LYPD6B: variants seen among roughly 807,000 people sequenced by gnomAD.
LYPD6B encodes LY6/PLAUR domain containing 6B.
In LYPD6B, 17 loss-of-function variants were observed where a neutral mutation model predicts 22.8. The ratio of observed to expected loss-of-function variants is 0.75; its 90% CI spans 0.51 to 1.12. The LOEUF (loss-of-function observed/expected upper bound fraction) is 1.12, where lower values mean the gene tolerates loss of function less well. LYPD6B is among the 50% of genes most tolerant of loss of function. The probability of loss-of-function intolerance (pLI) is 0.00; values close to 1 mark genes in which losing one functional copy is unlikely to be tolerated. For synonymous variants in LYPD6B, 106 were observed against 91.6 expected, an observed-to-expected ratio of 1.16 and a Z score of -0.90; for missense variants, 221 against 258.3, an observed-to-expected ratio of 0.86 and a Z score of 0.99.
chr2:149,144,950 A>G (rs1197547497), intron 2 of LYPD6B, among the ~76,000 whole-genome samples: 2 of 152,044 alleles, frequency 1.3e-5, no homozygotes, highest in Non-Finnish European at 2.9e-5. Flanking sequence ...CTGCCCATTG[A>G]TTGTGTTCCT....
intron 3 of LYPD6B, among the ~76,000 whole-genome samples, chr2:149,202,317 G>A (rs114959716): frequency 0.015 from 2,341 of 152,106 alleles, 71 homozygotes; most frequent in African/African-American, 0.054. Context: ...TGGTCCCACC[G>A]ACTCCCTGAC....
chr2:149,064,833 A>C (rs1023582637), intron 1 of LYPD6B, among the ~76,000 whole-genome samples: 2 of 152,186 alleles, frequency 1.3e-5, no homozygotes, highest in Admixed American at 6.5e-5. Flanking sequence ...CACTGCCTGG[A>C]ACGTGGAGGC....
chr2:149,187,842 C>T (rs1012499352), intron 3 of LYPD6B, among the ~76,000 whole-genome samples: 1 of 152,304 alleles, frequency 6.6e-6, no homozygotes, highest in Admixed American at 6.5e-5. Flanking sequence ...AGCCTGTGGG[C>T]CATGGGTTGG....
intron 3 of LYPD6B, among the ~76,000 whole-genome samples, chr2:149,182,274 A>C (rs1244623348): frequency 1.3e-5 from 2 of 152,158 alleles, no homozygotes; most frequent in African/African-American, 2.4e-5. Context: ...CCAGTTATTT[A>C]ATGCATCATC....
intron 1 of LYPD6B, among the ~76,000 whole-genome samples, chr2:149,050,183 T>C (rs1343335076): frequency 3.3e-5 from 5 of 152,086 alleles, no homozygotes; most frequent in African/African-American, 1.2e-4. Flanking sequence ...GGCTGGTAGA[T>C]TTAAGACCTG....
At chr2:149,183,826 T>C (rs1691909760) in intron 3 of LYPD6B, among the ~76,000 whole-genome samples, 1 of 150,538 alleles carries the variant, frequency 6.6e-6, no homozygotes. Context: ...AATACATACA[T>C]ATACATATAT....
At chr2:149,188,470 T>C (rs1255016287) in intron 3 of LYPD6B, among the ~76,000 whole-genome samples, 2 of 152,192 alleles carry the variant, frequency 1.3e-5, no homozygotes, top group Non-Finnish European at 2.9e-5. Flanking sequence ...ATTCTCCACC[T>C]AACCCCAGCC....
chr2:149,039,108 G>A (rs915468512), intron 1 of LYPD6B, among the ~76,000 whole-genome samples: 1 of 152,102 alleles, frequency 6.6e-6, no homozygotes, highest in Admixed American at 6.5e-5. Context: ...AGCCCTGCGG[G>A]GCCAGTGACT....
intron 2 of LYPD6B, among the ~76,000 whole-genome samples, chr2:149,142,870 G>C (rs980875554): frequency 6.6e-6 from 1 of 152,000 alleles, no homozygotes; most frequent in African/African-American, 2.4e-5. Context: ...TACAAGCTAC[G>C]TATCTTAATT....
intron 3 of LYPD6B, among the ~76,000 whole-genome samples, chr2:149,172,895 C>A (rs1342234447): frequency 6.6e-6 from 1 of 152,064 alleles, no homozygotes; most frequent in Non-Finnish European, 1.5e-5. Flanking sequence ...GCTCCCAGCT[C>A]TCCAGGTCTT....
chr2:149,152,653 C>G (rs1245658049), intron 2 of LYPD6B, among the ~76,000 whole-genome samples: 2 of 152,160 alleles, frequency 1.3e-5, no homozygotes, highest in African/African-American at 4.8e-5. Context: ...ATTTTATCCT[C>G]TCTTGGTCTC....
chr2:149,099,289 C>T (rs548099885), intron 1 of LYPD6B, among the ~76,000 whole-genome samples: 83 of 152,218 alleles, frequency 5.5e-4, no homozygotes, highest in Non-Finnish European at 1.0e-3. Flanking sequence ...TACTGAGCAT[C>T]CTATATTTTT....
At chr2:149,119,767 C>T (rs1687192371) in intron 1 of LYPD6B, among the ~76,000 whole-genome samples, 1 of 152,164 alleles carries the variant, frequency 6.6e-6, no homozygotes, top group African/African-American at 2.4e-5. Context: ...CCCCAAATGG[C>T]GATGTTCATC....
chr2:149,167,107 A>G (rs1404756547), intron 3 of LYPD6B, among the ~76,000 whole-genome samples: 2 of 151,112 alleles, frequency 1.3e-5, no homozygotes, highest in Non-Finnish European at 2.9e-5. Context: ...TATTCAAACC[A>G]GCTGGGACAG....
chr2:149,154,040 A>G, intron 2 of LYPD6B: 1 of 969,848 alleles, frequency 1.0e-6, no homozygotes, highest in Non-Finnish European at 1.2e-6. Context: ...AATGAAGAGA[A>G]TGGGGAAGAA....
intron 2 of LYPD6B, among the ~76,000 whole-genome samples, chr2:149,150,651 T>A (rs1247235865): frequency 6.6e-6 from 1 of 152,186 alleles, no homozygotes; most frequent in Non-Finnish European, 1.5e-5. Flanking sequence ...CACAATAATG[T>A]ACATGTATTT....
intron 1 of LYPD6B, among the ~76,000 whole-genome samples, chr2:149,050,595 T>C (rs1029787892): frequency 2.6e-5 from 4 of 152,176 alleles, no homozygotes; most frequent in Non-Finnish European, 5.9e-5. Context: ...ACAGGAAAGT[T>C]AGAACAAAGA....
At chr2:149,040,560 A>C (rs1360330415) in intron 1 of LYPD6B, among the ~76,000 whole-genome samples, 7 of 152,100 alleles carry the variant, frequency 4.6e-5, no homozygotes, top group Non-Finnish European at 8.8e-5. Context: ...CTGGACCAAA[A>C]CAGAACCAAG....
chr2:149,212,376 G>T (rs1382069773), intron 5 of LYPD6B, among the ~76,000 whole-genome samples: 6 of 24,414 alleles, frequency 2.5e-4, no homozygotes, highest in East Asian at 1.9e-3. Context: ...GTAAGACTCC[G>T]TCTCAAAAAA....
Sources: allele counts gnomAD v4.1 joint callset (sites outside exome capture counted in the v4.1 genomes callset), GRCh38; gene constraint gnomAD v4.1.1; transcripts MANE v1.5; gene names NCBI Gene and HGNC (gene_info 2026-07-23, HGNC 2026-07-21).